NFIA: variants seen among roughly 807,000 people sequenced by gnomAD.
The protein encoded by NFIA is nuclear factor 1 A-type.
In NFIA, 8 loss-of-function variants were observed where a neutral mutation model predicts 62.8. The ratio of observed to expected loss-of-function variants is 0.13; its 90% CI spans 0.07 to 0.23. NFIA has a LOEUF of 0.23. NFIA is among the 10% of genes least tolerant of loss of function. The pLI, the probability that NFIA is intolerant of heterozygous loss-of-function variation, is 1.00. For synonymous variants in NFIA, 235 were observed against 238.1 expected (o/e 0.99, Z 0.12); for missense variants, 410 against 642.1 (o/e 0.64, Z 3.91).
intron 2 of NFIA, among the ~76,000 whole-genome samples, chr1:61,103,935 A>G (rs1646553266): frequency 6.6e-6 from 1 of 152,112 alleles, no homozygotes; most frequent in Non-Finnish European, 1.5e-5. Flanking sequence ...CATTTAGGCT[A>G]TCTGTTTTTC....
intron 2 of NFIA, among the ~76,000 whole-genome samples, chr1:61,175,863 T>A (rs1238774189): frequency 6.6e-6 from 1 of 152,174 alleles, no homozygotes; most frequent in East Asian, 1.9e-4. Flanking sequence ...TGCCACAAAC[T>A]GTAATAGTCA....
intron 2 of NFIA, among the ~76,000 whole-genome samples, chr1:61,183,954 C>G (rs1053153615): frequency 5.9e-5 from 9 of 152,162 alleles, no homozygotes; most frequent in African/African-American, 1.7e-4. Flanking sequence ...TTTCTGCCTG[C>G]TCCTTTAATT....
At chr1:61,211,168 A>G (rs2100603523) in intron 2 of NFIA, among the ~76,000 whole-genome samples, 1 of 152,306 alleles carries the variant, frequency 6.6e-6, no homozygotes, top group East Asian at 1.9e-4. Flanking sequence ...CTGCCTCCAT[A>G]ATGGCTACAT....
intron 2 of NFIA, among the ~76,000 whole-genome samples, chr1:61,262,738 G>A (rs570911897): frequency 6.6e-6 from 1 of 152,190 alleles, no homozygotes; most frequent in South Asian, 2.1e-4. Context: ...AAATCATTTG[G>A]GCAAAAGTAT....
chr1:61,102,637 A>C (rs557336162), intron 2 of NFIA, among the ~76,000 whole-genome samples: 5 of 152,278 alleles, frequency 3.3e-5, no homozygotes, highest in African/African-American at 1.2e-4. Context: ...AGCCTTCAAT[A>C]ATACTATATA....
intron 2 of NFIA, among the ~76,000 whole-genome samples, chr1:61,109,464 A>G (rs4546954): frequency 0.94 from 142,665 of 151,766 alleles, 67,163 homozygotes; most frequent in Middle Eastern, 0.97. Context: ...AGGCAGAGTA[A>G]TAATATTTAC....
At chr1:61,080,055 A>G (rs1442674095), upstream of NFIA, among the ~76,000 whole-genome samples, 1 of 152,074 alleles carries the variant, frequency 6.6e-6, no homozygotes, top group Non-Finnish European at 1.5e-5. Flanking sequence ...TGGCGGAGAT[A>G]GGAGAGAAAG....
intron 3 of NFIA, among the ~76,000 whole-genome samples, chr1:61,318,944 T>C (rs1288824860): frequency 6.6e-6 from 1 of 152,124 alleles, no homozygotes; most frequent in African/African-American, 2.4e-5. Flanking sequence ...GAAGGTAAGA[T>C]AGAGTGTATG....
At chr1:61,179,056 C>T (rs947431391) in intron 2 of NFIA, among the ~76,000 whole-genome samples, 3 of 152,196 alleles carry the variant, frequency 2.0e-5, no homozygotes, top group East Asian at 3.9e-4. Flanking sequence ...TCAGCCTGCC[C>T]CACTTTGCCA....
At chr1:61,392,955 C>T (rs1395490293) in intron 7 of NFIA, among the ~76,000 whole-genome samples, 3 of 152,090 alleles carry the variant, frequency 2.0e-5, no homozygotes, top group Non-Finnish European at 2.9e-5. Context: ...TGCATGTGTG[C>T]GCACAGGCAC....
intron 2 of NFIA, among the ~76,000 whole-genome samples, chr1:61,261,765 G>T (rs1184928490): frequency 6.6e-6 from 1 of 152,174 alleles, no homozygotes; most frequent in Non-Finnish European, 1.5e-5. Context: ...CCATGCAAAG[G>T]TTATTTTTCT....
chr1:61,319,968 C>T (rs1442273617), intron 3 of NFIA, among the ~76,000 whole-genome samples: 1 of 152,102 alleles, frequency 6.6e-6, no homozygotes, highest in East Asian at 1.9e-4. Flanking sequence ...CACATGCTCA[C>T]TTCCAGCTGT....
chr1:61,377,080 G>A (rs538253729), intron 6 of NFIA, among the ~76,000 whole-genome samples: 73 of 151,968 alleles, frequency 4.8e-4, no homozygotes, highest in African/African-American at 1.5e-3. Flanking sequence ...AAAATTAGCC[G>A]GGTATGGTGG....
intron 9 of NFIA, 59 bp from the exon 10 acceptor site, chr1:61,426,403 GTGT>G (rs1666870051): frequency 9.2e-7 from 1 of 1,081,814 alleles, no homozygotes; most frequent in African/African-American, 1.6e-5. Context: ...GTGTGTTTTG[GTGT>G]TGTTTGTGTG....
At chr1:61,413,717 C>T (rs1262643621) in intron 9 of NFIA, among the ~76,000 whole-genome samples, 2 of 129,608 alleles carry the variant, frequency 1.5e-5, no homozygotes, top group East Asian at 5.2e-4. Context: ...ACCTCCACCT[C>T]CTGGGTTCAA....
chr1:61,359,355 G>A, intron 6 of NFIA, 81 bp downstream of exon 6: 6 of 1,593,094 alleles, frequency 3.8e-6, no homozygotes, highest in Middle Eastern at 2.3e-4. Flanking sequence ...ACGCATAAAA[G>A]TGAAGAAAGA....
chr1:61,140,178 G>A (rs1227081207), intron 2 of NFIA, among the ~76,000 whole-genome samples: 1 of 152,130 alleles, frequency 6.6e-6, no homozygotes, highest in East Asian at 1.9e-4. Context: ...TATACATTTT[G>A]TTTTAACATA....
At chr1:61,324,268 T>C (rs1205016842) in intron 3 of NFIA, among the ~76,000 whole-genome samples, 1 of 152,188 alleles carries the variant, frequency 6.6e-6, no homozygotes, top group East Asian at 1.9e-4. Context: ...TTCTGGAATA[T>C]AAACAGCGTG....
intron 4 of NFIA, among the ~76,000 whole-genome samples, chr1:61,337,270 C>T (rs904723466): frequency 1.3e-5 from 2 of 152,068 alleles, no homozygotes; most frequent in Non-Finnish European, 2.9e-5. Flanking sequence ...ACTGAAGCTG[C>T]AATCTTCCGT....
Sources: allele counts gnomAD v4.1 joint callset (sites outside exome capture counted in the v4.1 genomes callset), GRCh38; gene constraint gnomAD v4.1.1; transcripts MANE v1.5; gene names NCBI Gene and HGNC (gene_info 2026-07-23, HGNC 2026-07-21).